Variants in PDC observed in about 807,000 individuals in gnomAD.
The protein encoded by PDC is phosducin.
PDC carries 19 observed loss-of-function variants against 22.2 expected under a neutral mutation model. That is an observed-to-expected ratio of 0.86 (90% CI 0.60 to 1.26). The LOEUF (loss-of-function observed/expected upper bound fraction) is 1.26, where lower values mean the gene tolerates loss of function less well. PDC is among the 50% of genes most tolerant of loss of function. The pLI is 0.00. For synonymous variants in PDC, 97 were observed against 96.2 expected (o/e 1.01, Z -0.05); for missense variants, 274 against 286.8 (o/e 0.96, Z 0.32).
chr1:186,460,292 T>A (rs1662556853), intron 1 of PDC, among the ~76,000 whole-genome samples: 1 of 152,200 alleles, frequency 6.6e-6, no homozygotes, highest in Non-Finnish European at 1.5e-5. Flanking sequence ...AGTAGCTTGA[T>A]GAAATCTCAC....
chr1:186,448,709 A>G (rs1662287643), intron 2 of PDC: 4 of 949,470 alleles, frequency 4.2e-6, no homozygotes. Flanking sequence ...ATTATAAAAT[A>G]AATCTCCACA....
chr1:186,447,890 A>C (rs552725182), intron 2 of PDC, among the ~76,000 whole-genome samples: 1 of 152,280 alleles, frequency 6.6e-6, no homozygotes, highest in Non-Finnish European at 1.5e-5. Context: ...TGTTTTCTAC[A>C]GATGGTGGTG....
At chr1:186,448,163 A>G (rs1484279662) in intron 2 of PDC, among the ~76,000 whole-genome samples, 1 of 152,166 alleles carries the variant, frequency 6.6e-6, no homozygotes, top group Non-Finnish European at 1.5e-5. Flanking sequence ...TTATGGTTAT[A>G]TAAGTAAAAT....
rs1423199821 is a variant in PDC, at chr1:186,444,486, T to C, written c.234A>G (p.Glu78=). The change falls in exon 4 of 4, where the codon GAA becomes GAG. Residue 78 remains glutamate, a synonymous_variant. Transcript: ENST00000391997. The part of the protein sequence containing the change: ...VSRKMSIQEY[E]LIHKEKEDEN... Reference sequence around the variant, plus strand: ...CATCCTCTTTCTCTTTATGGATTAGTTCATATTCTTGAATGCTCATCTGAG... The same window carrying C: ...CATCCTCTTTCTCTTTATGGATTAGCTCATATTCTTGAATGCTCATCTGAG... The C allele has an allele frequency of 1.3e-6, 2 of 1,598,630 alleles. No individual in the cohort carries two copies. Among genetic ancestry groups the C allele is most frequent in the Non-Finnish European group, 8.6e-7 (1 of 1,167,878 alleles).
Position 186,448,627 on chromosome 1 carries a change from C to T in PDC, c.61+772G>A, listed in dbSNP as rs967102242. 11 of 842,664 alleles carry T rather than the reference C, an allele frequency of 1.3e-5. No individual in the cohort carries two copies. In the African/African-American group the frequency reaches 2.0e-4, roughly 15 times the overall value. 52.2% of individuals were successfully genotyped at this position (842,664 alleles called of 1,614,324 possible). On this transcript the variant is annotated intron_variant, in intron 2 of 3. Coordinates refer to ENST00000391997, the MANE Select transcript of PDC (RefSeq NM_002597.5). The stretch of plus-strand genomic sequence containing the variant: ...TCCTTTTTATAAATGAATTTACCAA[C>T]CTTTTCTTCAATGGTCTTTTTGTTG...
chr1:186,450,892 G>A (rs570175824), intron 1 of PDC, among the ~76,000 whole-genome samples: 18 of 152,202 alleles, frequency 1.2e-4, no homozygotes, highest in East Asian at 3.9e-4. Flanking sequence ...TATACTAATC[G>A]TAGATAAACT....
chr1:186,453,217 T>G (rs185978791), intron 1 of PDC, among the ~76,000 whole-genome samples: 92 of 152,290 alleles, frequency 6.0e-4, no homozygotes, highest in South Asian at 3.5e-3. Flanking sequence ...AACTATGGTT[T>G]AGTAATTACC....
At chr1:186,456,993 T>C (rs1434571107) in intron 1 of PDC, among the ~76,000 whole-genome samples, 4 of 152,208 alleles carry the variant, frequency 2.6e-5, no homozygotes, top group Non-Finnish European at 5.9e-5. Context: ...GGTATCTTGA[T>C]CTGTGCCCCA....
At chr1:186,454,139 A>C (rs894506332) in intron 1 of PDC, among the ~76,000 whole-genome samples, 9 of 151,414 alleles carry the variant, frequency 5.9e-5, no homozygotes, top group Admixed American at 5.9e-4. Flanking sequence ...AATGTAATAG[A>C]AGAGTCTGTT....
chr1:186,456,646 TAAAC>T (rs1662478419), intron 1 of PDC, among the ~76,000 whole-genome samples: 1 of 152,208 alleles, frequency 6.6e-6, no homozygotes, highest in African/African-American at 2.4e-5. Flanking sequence ...AAATTTAAAA[TAAAC>T]AATATTTTTT....
intron 2 of PDC, chr1:186,448,626 A>T (rs1174603639): frequency 1.2e-6 from 1 of 838,788 alleles, no homozygotes; most frequent in Non-Finnish European, 1.4e-6. Flanking sequence ...GAATTTACCA[A>T]CCTTTTCTTC....
At chr1:186,449,371 A>T in intron 2 of PDC, 28 bp downstream of exon 2, 1 of 1,435,174 alleles carries the variant, frequency 7.0e-7, no homozygotes, top group Non-Finnish European at 9.7e-7. Context: ...TTAATTTAAT[A>T]ATTATTTTTT....
chr1:186,450,251 T>A (rs1662323030), intron 1 of PDC, among the ~76,000 whole-genome samples: 1 of 152,202 alleles, frequency 6.6e-6, no homozygotes, highest in Non-Finnish European at 1.5e-5. Flanking sequence ...ATAGCATCTC[T>A]CCATACCATG....
At chr1:186,459,022 C>T (rs2102140679) in intron 1 of PDC, among the ~76,000 whole-genome samples, 1 of 152,214 alleles carries the variant, frequency 6.6e-6, no homozygotes, top group East Asian at 1.9e-4. Flanking sequence ...ATTAACCGGG[C>T]GTGGTGGTGG....
chr1:186,448,386 A>G (rs922854897), intron 2 of PDC, among the ~76,000 whole-genome samples: 1 of 151,678 alleles, frequency 6.6e-6, no homozygotes, highest in Admixed American at 6.6e-5. Flanking sequence ...TCATTGTTCT[A>G]TTTGGTAATT....
At chr1:186,458,226 CTTTTTTTTTTTTTT>C (rs1157926478) in intron 1 of PDC, among the ~76,000 whole-genome samples, 2 of 88,416 alleles carry the variant, frequency 2.3e-5, no homozygotes, top group African/African-American at 9.2e-5. Flanking sequence ...TACAGATATT[CTTTTTTTTTTTTTT>C]TTTTTTTTTT....
At chr1:186,447,349 A>G (rs1436803503) in intron 2 of PDC, among the ~76,000 whole-genome samples, 1 of 152,028 alleles carries the variant, frequency 6.6e-6, no homozygotes, top group East Asian at 1.9e-4. Flanking sequence ...GGATTTCACT[A>G]TGTTGGCCAG....
At chr1:186,445,546 T>C (rs1345831353) in intron 3 of PDC, among the ~76,000 whole-genome samples, 3 of 152,154 alleles carry the variant, frequency 2.0e-5, no homozygotes, top group Non-Finnish European at 2.9e-5. Context: ...GGGATGGGTA[T>C]GGGAGCTCAT....
chr1:186,448,166 A>G (rs1026795393), intron 2 of PDC, among the ~76,000 whole-genome samples: 1 of 152,190 alleles, frequency 6.6e-6, no homozygotes, highest in African/African-American at 2.4e-5. Context: ...TGGTTATATA[A>G]GTAAAATTCC....
Sources: allele counts gnomAD v4.1 joint callset (sites outside exome capture counted in the v4.1 genomes callset), GRCh38; gene constraint gnomAD v4.1.1; transcripts MANE v1.5; gene names NCBI Gene and HGNC (gene_info 2026-07-23, HGNC 2026-07-21).